The following PDE4DIP variants were observed in gnomAD, a reference collection of about 807,000 sequenced individuals.
The protein encoded by PDE4DIP is phosphodiesterase 4D interacting protein.
In PDE4DIP, 59 loss-of-function variants were observed where a neutral mutation model predicts 221.4. The observed-to-expected ratio is 0.27, with a 90% confidence interval of 0.22 to 0.33. PDE4DIP has a LOEUF of 0.33. Ranked by LOEUF, PDE4DIP falls within the 10% of genes least tolerant of loss-of-function variation. The probability of loss-of-function intolerance (pLI) is 1.00; values close to 1 mark genes in which losing one functional copy is unlikely to be tolerated. For missense variants in PDE4DIP, 1,036 were observed against 2,154.2 expected (o/e 0.48, Z 10.28); for synonymous variants, 404 against 815.9 (o/e 0.50, Z 8.60).
At chr1:148,949,039 T>C (rs1295093952) in intron 5 of PDE4DIP, among the ~76,000 whole-genome samples, 1 of 152,244 alleles carries the variant, frequency 6.6e-6, no homozygotes, top group African/African-American at 2.4e-5. Context: ...GTTTTCAAGA[T>C]GTATCCACGT....
intron 43 of PDE4DIP, among the ~76,000 whole-genome samples, chr1:149,031,429 T>G (rs1471166934): frequency 2.6e-5 from 4 of 151,988 alleles, no homozygotes; most frequent in South Asian, 4.2e-4. Context: ...TGCTGCACCC[T>G]CATCTGTCAA....
intron 33 of PDE4DIP, 24 bp from the exon 37 acceptor site, chr1:149,017,724 C>T (rs2071166260): frequency 6.9e-7 from 1 of 1,448,174 alleles, no homozygotes; most frequent in Non-Finnish European, 9.6e-7. Context: ...CACCTCTCTT[C>T]ATGTCCTGGT....
chr1:148,885,975 T>C (rs1457724001), upstream of PDE4DIP, among the ~76,000 whole-genome samples: 1 of 73,002 alleles, frequency 1.4e-5, no homozygotes, highest in Non-Finnish European at 2.6e-5. Context: ...AATCAAGAAA[T>C]GACTCAAAGG....
exon 44 of PDE4DIP, chr1:149,032,118 C>G: frequency 1.9e-6 from 3 of 1,562,256 alleles, no homozygotes; most frequent in Non-Finnish European, 2.6e-6. Flanking sequence ...TCCTCCAAGT[C>G]CACGGGAGGG....
chr1:148,989,655 T>G (rs1268231861), intron 21 of PDE4DIP, among the ~76,000 whole-genome samples: 1 of 152,188 alleles, frequency 6.6e-6, no homozygotes, highest in African/African-American at 2.4e-5. Flanking sequence ...CTGTGCTTTC[T>G]TCAACTACAG....
intron 5 of PDE4DIP, among the ~76,000 whole-genome samples, chr1:148,951,542 A>C (rs1330815129): frequency 1.3e-5 from 2 of 152,282 alleles, no homozygotes; most frequent in Non-Finnish European, 2.9e-5. Context: ...TTACGGAAAG[A>C]AGCACTGTCT....
chr1:148,949,541 G>A (rs1250841033), intron 5 of PDE4DIP, among the ~76,000 whole-genome samples: 2 of 151,996 alleles, frequency 1.3e-5, no homozygotes, highest in Non-Finnish European at 2.9e-5. Context: ...ATGATACACA[G>A]TATGTAGAAT....
At chr1:148,855,364 A>AAAAAC in intron 1 of PDE4DIP, among the ~76,000 whole-genome samples, 1 of 139,842 alleles carries the variant, frequency 7.2e-6, no homozygotes, top group African/African-American at 2.5e-5. Context: ...GTGCTGGACC[A>AAAAAC]AAAACAAAAC....
At chr1:148,934,217 T>TTATATA (rs1176041966) in intron 4 of PDE4DIP, among the ~76,000 whole-genome samples, 4 of 149,062 alleles carry the variant, frequency 2.7e-5, no homozygotes, top group Non-Finnish European at 6.0e-5. Flanking sequence ...ATTGTTTCTT[T>TTATATA]TATATATATA....
intron 21 of PDE4DIP, among the ~76,000 whole-genome samples, chr1:148,989,741 A>T (rs1553554950): frequency 6.6e-6 from 1 of 152,208 alleles, no homozygotes; most frequent in East Asian, 1.9e-4. Context: ...GAGACAATTC[A>T]TTTCCTTTGC....
intron 1 of PDE4DIP, among the ~76,000 whole-genome samples, chr1:148,920,255 C>T (rs1270473385): frequency 2.3e-5 from 3 of 132,410 alleles, no homozygotes; most frequent in Non-Finnish European, 4.7e-5. Context: ...GCCTCAGCCT[C>T]CTGAGTAGCT....
intron 19 of PDE4DIP, among the ~76,000 whole-genome samples, chr1:148,978,695 G>C (rs1208606133): frequency 6.6e-6 from 1 of 151,958 alleles, no homozygotes; most frequent in Non-Finnish European, 1.5e-5. Flanking sequence ...GAATCTTCCT[G>C]CCTCAGCCTC....
chr1:149,021,637 A>AC (rs1279451038), intron 37 of PDE4DIP: 1 of 151,374 alleles, frequency 6.6e-6, no homozygotes, highest in African/African-American at 2.4e-5. Flanking sequence ...GAGAAGGTGA[A>AC]CTGGAATTTG....
intron 2 of PDE4DIP, 84 bp downstream of exon 2, chr1:148,863,389 C>A: frequency 2.0e-6 from 1 of 506,638 alleles, no homozygotes; most frequent in Non-Finnish European, 3.1e-6. Flanking sequence ...CAGGTTCTCA[C>A]TCTGTCACTA....
chr1:148,930,451 A>G (rs1337432391), intron 2 of PDE4DIP: 1 of 151,036 alleles, frequency 6.6e-6, no homozygotes, highest in Non-Finnish European at 1.5e-5. Flanking sequence ...CGGGAGGCGG[A>G]GCTTGCAGTG....
intron 5 of PDE4DIP, among the ~76,000 whole-genome samples, chr1:148,941,553 A>G (rs1255119872): frequency 8.5e-6 from 1 of 117,948 alleles, no homozygotes; most frequent in Non-Finnish European, 1.8e-5. Context: ...TTGCTTGAAG[A>G]GCATCTGAGA....
chr1:148,912,062 G>A (rs1553454829), intron 1 of PDE4DIP, among the ~76,000 whole-genome samples: 1 of 146,042 alleles, frequency 6.8e-6, no homozygotes, highest in Non-Finnish European at 1.5e-5. Flanking sequence ...ATCATGGGGA[G>A]CCACACGGTA....
At chr1:148,986,024 T>C (rs1190706668) in intron 21 of PDE4DIP, 1 of 152,192 alleles carries the variant, frequency 6.6e-6, no homozygotes, top group African/African-American at 2.4e-5. Flanking sequence ...TTATAAATTA[T>C]GAGTTTCTAT....
At chr1:149,024,497 C>G (rs111601830) in exon 38 of PDE4DIP, 9 of 1,113,770 alleles carry the variant, frequency 8.1e-6, no homozygotes, top group African/African-American at 4.7e-5. Context: ...ACCTGAGCCA[C>G]CTGGTGGCAG....
Sources: allele counts gnomAD v4.1 joint callset (sites outside exome capture counted in the v4.1 genomes callset), GRCh38; gene constraint gnomAD v4.1.1; transcripts MANE v1.5; gene names NCBI Gene and HGNC (gene_info 2026-07-23, HGNC 2026-07-21).